The following RTEL1 variants were observed in gnomAD, a reference collection of about 807,000 sequenced individuals.
The protein encoded by RTEL1 is regulator of telomere elongation helicase 1.
A neutral mutation model predicts 162.2 loss-of-function variants in RTEL1; 86 were observed. The observed-to-expected ratio is 0.53, with a 90% CI of 0.45 to 0.63. RTEL1 has a LOEUF of 0.63. Ranked by LOEUF, RTEL1 falls within the 30% of genes least tolerant of loss-of-function variation. The pLI is 0.00. For missense variants in RTEL1, 1,941 were observed against 1,750.2 expected, an observed-to-expected ratio of 1.11 and a Z score of -1.95; for synonymous variants, 958 against 717.9, an observed-to-expected ratio of 1.33 and a Z score of -5.35.
intron 14 of RTEL1, 48 bp downstream of exon 14, chr20:63,680,767 C>T (rs770397359): frequency 3.9e-5 from 63 of 1,607,462 alleles, no homozygotes; most frequent in African/African-American, 2.3e-4. Flanking sequence ...GGAAGCCGGG[C>T]GGGTGCCTTC....
chr20:63,680,510 C>A (rs995042971), intron 13 of RTEL1, among the ~76,000 whole-genome samples, 154 bp from the exon 14 acceptor site: 1 of 152,250 alleles, frequency 6.6e-6, no homozygotes, highest in Non-Finnish European at 1.5e-5. Context: ...AACTGCCCGC[C>A]CTGAATGGAT....
chr20:63,675,953 C>CT (rs2090341284), intron 10 of RTEL1, among the ~76,000 whole-genome samples: 1 of 152,254 alleles, frequency 6.6e-6, no homozygotes, highest in South Asian at 2.1e-4. Flanking sequence ...CTCCACTCTT[C>CT]AGTTTTGTTA....
intron 2 of RTEL1, 56 bp downstream of exon 2, chr20:63,659,560 G>C (rs543148818): frequency 2.5e-5 from 34 of 1,334,736 alleles, no homozygotes; most frequent in East Asian, 4.6e-5. Context: ...CAGCCAGGAC[G>C]GGGTGTGCTT....
At chr20:63,673,012 G>A (rs1601116975) in intron 9 of RTEL1, among the ~76,000 whole-genome samples, 1 of 152,160 alleles carries the variant, frequency 6.6e-6, no homozygotes, top group African/African-American at 2.4e-5. Flanking sequence ...CAGGAGAATC[G>A]CTTGAACCTT....
rs147845432 is a variant in RTEL1 at position 63,665,753 on chromosome 20, G to A, written c.539-251G>A. 1.1e-4 allele frequency among the ~76,000 whole-genome samples: 17 copies of A among 152,306 alleles called. No homozygotes were observed. The East Asian group carries it at 3.3e-3, about 29-fold the overall frequency. The stretch of plus-strand genomic sequence containing the variant: ...TGCGTAGAACCCTCGGGATCCTGCT[G>A]GCCTCCGTCTGGTCCACCCTGAACC... On this transcript the variant is annotated intron_variant, in intron 6 of 34. Transcript: ENST00000360203.
At position 63,691,054 on chromosome 20, in the gene RTEL1, C is replaced by T. The variant is rs536714062; in HGVS notation, c.2556+107C>T. 472 of 1,224,296 alleles carry T rather than the reference C, an allele frequency of 3.9e-4. 2 individuals are homozygous for T. The African/African-American group carries it at 6.1e-3, about 16-fold the overall frequency. 75.8% of individuals were successfully genotyped at this position (1,224,296 alleles called of 1,614,324 possible). On this transcript the variant is annotated intron_variant, in intron 27 of 34. Transcript: ENST00000360203. ...CCTCCCCACACACCCCTGTAAATCC[C>T]CTGCCTGGCAGGCAGGCGGGCAAGC...
In RTEL1 at chr20:63,661,928, G is replaced by A. The variant is rs769163032; in HGVS notation, c.380G>A (p.Arg127Gln). The change falls in exon 4 of 35, where the codon CGG becomes CAG. Residue 127 changes from arginine to glutamine, a missense_variant. Arg to Gln is a conservative substitution (Grantham distance 43, BLOSUM62 1). Coordinates refer to ENST00000360203, the MANE Select transcript of RTEL1 (RefSeq NM_001283009.2). The surrounding 1 kb of genome is among the most constrained non-coding windows in gnomAD (Gnocchi z 5.1). ...SQLTQVINEL[R>Q]NTSYRPKVCV... ...CTCACACAGGTCATCAACGAGCTTCGGAACACCTCCTACCGGTGGGTCAGA... is the reference window on the plus strand; with the variant it reads ...CTCACACAGGTCATCAACGAGCTTCAGAACACCTCCTACCGGTGGGTCAGA... 3.0e-5 allele frequency: 49 copies of A among 1,613,722 alleles called. No homozygotes were observed. The South Asian group carries it at 3.2e-4, about 10-fold the overall frequency.
chr20:63,661,223 G>T lies in RTEL1; in HGVS notation c.103-75G>T. ...AAAGAGCTGCCCGCTGGCTGCCGAA[G>T]CTTGTCTCAGGGCAGCTTGTGTGGC... On this transcript the variant is annotated intron_variant, in intron 2 of 34. Coordinates refer to ENST00000360203, the MANE Select transcript of RTEL1 (RefSeq NM_001283009.2). This position sits in a 1 kb window ranked among gnomAD's most constrained non-coding sequence, Gnocchi z 5.1. 4 of 1,419,280 alleles carry T rather than the reference G, an allele frequency of 2.8e-6. No individual in the cohort carries two copies. The highest frequency in any genetic ancestry group is 3.9e-6 in the Non-Finnish European group (4 of 1,022,138). 87.9% of individuals were successfully genotyped at this position (1,419,280 alleles called of 1,614,324 possible).
chr20:63,692,710 C>A, intron 28 of RTEL1, 95 bp from the exon 29 acceptor site: 1 of 1,246,132 alleles, frequency 8.0e-7, no homozygotes, highest in Non-Finnish European at 1.1e-6. Flanking sequence ...AGTCACTGTC[C>A]CAGGGAACGC....
intron 8 of RTEL1, among the ~76,000 whole-genome samples, chr20:63,671,488 A>T (rs1255730960): frequency 4.1e-5 from 6 of 147,550 alleles, no homozygotes; most frequent in South Asian, 4.3e-4. Context: ...AATGTGTGAA[A>T]TTTTTTTTTT....
At chr20:63,690,563 C>T in intron 26 of RTEL1, 122 bp downstream of exon 26, 1 of 1,291,320 alleles carries the variant, frequency 7.7e-7, no homozygotes. Context: ...CCCCTCCCAC[C>T]TCCAAAGGCT....
chr20:63,691,693 G>C, intron 27 of RTEL1, 49 bp from the exon 28 acceptor site: 1 of 1,498,762 alleles, frequency 6.7e-7, no homozygotes, highest in South Asian at 1.1e-5. Context: ...TGGGACCCCA[G>C]AGTGTGTGGT....
intron 30 of RTEL1, among the ~76,000 whole-genome samples, chr20:63,693,828 C>G (rs1004620797): frequency 7.0e-6 from 1 of 142,628 alleles, no homozygotes; most frequent in African/African-American, 2.6e-5. Flanking sequence ...CTGTCCCTGC[C>G]ATAGCCCCGA....
chr20:63,690,676 T>TG, intron 26 of RTEL1, 129 bp from the exon 27 acceptor site: 1 of 1,104,654 alleles, frequency 9.1e-7, no homozygotes, highest in Non-Finnish European at 1.3e-6. Context: ...CTCCCCCCAA[T>TG]AGCAGGGAGG....
At position 63,685,504 on chromosome 20, in the gene RTEL1, C is replaced by T. The variant is rs756977362; in HGVS notation, c.1192-19C>T. 1.9e-6 allele frequency: 3 copies of T among 1,610,944 alleles called. No homozygotes were observed. Among genetic ancestry groups the T allele is most frequent in the Non-Finnish European group, 1.7e-6 (2 of 1,179,304 alleles). ...TGGCCTCAGGCTCCTGACGGGGCTG[C>T]ACTTCCTCTGCCTTTCAGATTGTGT... On this transcript the variant is annotated intron_variant, in intron 14 of 34. Transcript: ENST00000360203.
rs2090805160 is a variant in RTEL1, at chr20:63,693,204, G to A, written c.2913G>A (p.Leu971=). 1.2e-6 allele frequency: 2 copies of A among 1,612,142 alleles called. No individual in the cohort carries two copies. Among genetic ancestry groups the A allele is most frequent in the Non-Finnish European group, 1.7e-6 (2 of 1,179,530 alleles). The change falls in exon 30 of 35, where the codon CTG becomes CTA. Residue 971 remains leucine, a synonymous_variant. Transcript: ENST00000360203. The part of the protein sequence containing the change: ...KQQFEEVCIQ[L]TGRGCGYRPE... ...AGTTTGAGGAGGTCTGTATCCAGCT[G>A]ACAGGACGAGGCTGTGGCTATCGGC... is the stretch of plus-strand genomic sequence containing the variant.
intron 6 of RTEL1, chr20:63,663,118 C>G: frequency 1.7e-6 from 1 of 590,946 alleles, no homozygotes; most frequent in South Asian, 2.0e-5. Context: ...TGGCTGGTGC[C>G]TGGGGCCTTG....
chr20:63,679,814 C>G (rs757835901), intron 12 of RTEL1, 35 bp from the exon 13 acceptor site: 6 of 1,554,222 alleles, frequency 3.9e-6, no homozygotes, highest in Admixed American at 3.3e-5. Flanking sequence ...CTGGTCCCCC[C>G]GCCAGGCTCG....
intron 10 of RTEL1, 54 bp from the exon 11 acceptor site, chr20:63,678,091 G>A (rs148553208): frequency 1.2e-6 from 2 of 1,607,564 alleles, no homozygotes; most frequent in African/African-American, 1.3e-5. Context: ...TCAAGGGCGG[G>A]GTTGTTGGCA....
Sources: gnomAD v4.1 joint callset for allele counts (sites outside exome capture counted in the v4.1 genomes callset) on GRCh38, gnomAD v4.1.1 for gene constraint, Gnocchi (gnomAD v3.1) non-coding constraint, MANE v1.5 for transcripts, NCBI Gene and HGNC (gene_info 2026-07-23, HGNC 2026-07-21) for gene names.